ARHGAP23: variants seen among roughly 807,000 people sequenced by gnomAD.
The protein encoded by ARHGAP23 is Rho GTPase activating protein 23.
In ARHGAP23, 34 loss-of-function variants were observed where a neutral mutation model predicts 136.3. The observed-to-expected ratio is 0.25, with a 90% CI of 0.19 to 0.33. ARHGAP23 has a LOEUF of 0.33. Among genes scored for constraint, ARHGAP23 ranks in the 10% least tolerant of loss-of-function variants. The probability of loss-of-function intolerance (pLI) is 1.00; values close to 1 mark genes in which losing one functional copy is unlikely to be tolerated. For missense variants in ARHGAP23, 1,808 were observed against 2,139.0 expected (o/e 0.85, Z 3.05); for synonymous variants, 832 against 920.5 (o/e 0.90, Z 1.74).
intron 2 of ARHGAP23, 24 bp downstream of exon 2, chr17:38,458,287 T>G (rs1334026169): frequency 1.4e-6 from 2 of 1,479,836 alleles, no homozygotes; most frequent in Non-Finnish European, 1.8e-6. Context: ...GCCGCTGCCC[T>G]GGTCTGGGGA....
intron 20 of ARHGAP23, among the ~76,000 whole-genome samples, chr17:38,493,715 C>T (rs77788401): frequency 0.2 from 30,320 of 152,158 alleles, 3,254 homozygotes; most frequent in East Asian, 0.37. Context: ...CTTGGGGTAC[C>T]CAGACCAGTC....
chr17:38,466,393 G>A lies in ARHGAP23; in HGVS notation c.710G>A (p.Arg237His), dbSNP rs577820928. 2.2e-4 allele frequency: 345 copies of A among 1,534,102 alleles called. No individual in the cohort carries two copies. Among genetic ancestry groups the A allele is most frequent in the Admixed American group, 6.9e-4 (35 of 50,426 alleles). ...GGGCTCCGTGTGCCACCTGCTGCCC[G>A]TGCCCACCTGGACAACTCTTCCTTG... ...DPGLRVPPAA[R>H]AHLDNSSLGM... Residue 237 changes from arginine to histidine, a missense_variant, in exon 7 of 24, where the codon CGT becomes CAT. Arg to His is a conservative substitution (Grantham distance 29). Transcript: ENST00000622683.
At chr17:38,499,765 C>T (rs1186459240) in intron 22 of ARHGAP23, among the ~76,000 whole-genome samples, 1 of 152,180 alleles carries the variant, frequency 6.6e-6, no homozygotes, top group South Asian at 2.1e-4. Context: ...AACTTGCCTG[C>T]CAGAGAGTGT....
chr17:38,470,098 C>T (rs1022486230), intron 10 of ARHGAP23, among the ~76,000 whole-genome samples, 194 bp downstream of exon 10: 3 of 152,246 alleles, frequency 2.0e-5, no homozygotes, highest in African/African-American at 7.2e-5. Flanking sequence ...CCCTGAATGA[C>T]ACCATGCAGC....
At chr17:38,438,362 A>G (rs2038850226) in intron 1 of ARHGAP23, among the ~76,000 whole-genome samples, 1 of 151,642 alleles carries the variant, frequency 6.6e-6, no homozygotes, top group Non-Finnish European at 1.5e-5. Flanking sequence ...GGGGCAAGAA[A>G]GGGATGGAGG....
chr17:38,464,610 C>T (rs947136410), intron 6 of ARHGAP23, among the ~76,000 whole-genome samples: 10 of 152,210 alleles, frequency 6.6e-5, no homozygotes, highest in Non-Finnish European at 1.3e-4. Context: ...CTGAGGTGGA[C>T]TGCTTACCCC....
At chr17:38,506,932 C>T (rs2040645872) in intron 23 of ARHGAP23, among the ~76,000 whole-genome samples, 2 of 152,140 alleles carry the variant, frequency 1.3e-5, no homozygotes, top group African/African-American at 2.4e-5. Context: ...ATGTGCTTGA[C>T]ACCTGGCAGG....
At chr17:38,424,075 A>G (rs567878132), upstream of ARHGAP23, among the ~76,000 whole-genome samples, 9 of 151,482 alleles carry the variant, frequency 5.9e-5, no homozygotes, top group Admixed American at 3.3e-4. Flanking sequence ...CAAAAGTCAT[A>G]CAGCTACTGG....
At chr17:38,500,751 G>T (rs1253034402) in intron 23 of ARHGAP23, 123 bp downstream of exon 23, 3 of 923,870 alleles carry the variant, frequency 3.2e-6, no homozygotes, top group African/African-American at 3.3e-5. Flanking sequence ...CCCTGGGAGG[G>T]AAGGCAGGAG....
chr17:38,421,532 G>A (rs2038520606), intron 1 of ARHGAP23, among the ~76,000 whole-genome samples: 1 of 152,228 alleles, frequency 6.6e-6, no homozygotes, highest in South Asian at 2.1e-4. Flanking sequence ...CCCATGTGCT[G>A]AGCCCTCTTG....
At chr17:38,472,915 C>T (rs2039796150) in intron 11 of ARHGAP23, among the ~76,000 whole-genome samples, 1 of 152,176 alleles carries the variant, frequency 6.6e-6, no homozygotes, top group African/African-American at 2.4e-5. Flanking sequence ...GCACTTGAAG[C>T]TGCTGTACTT....
intron 6 of ARHGAP23, 65 bp downstream of exon 6, chr17:38,463,447 G>C: frequency 1.3e-6 from 2 of 1,533,126 alleles, no homozygotes; most frequent in Non-Finnish European, 1.8e-6. Flanking sequence ...GGCTCCCCTG[G>C]GAGGCAGAGA....
intron 3 of ARHGAP23, among the ~76,000 whole-genome samples, chr17:38,461,281 G>T (rs1597787859): frequency 1.3e-5 from 2 of 152,352 alleles, no homozygotes; most frequent in East Asian, 3.9e-4. Context: ...GCAGGGCAGG[G>T]CTGCAGGGCC....
At chr17:38,501,355 G>A (rs577446996) in intron 23 of ARHGAP23, among the ~76,000 whole-genome samples, 4 of 152,116 alleles carry the variant, frequency 2.6e-5, no homozygotes, top group African/African-American at 4.8e-5. Context: ...AGGCTGGAGT[G>A]CAGTGGCACC....
At chr17:38,509,885 G>A in intron 23 of ARHGAP23, 59 bp from the exon 24 acceptor site, 1 of 1,200,598 alleles carries the variant, frequency 8.3e-7, no homozygotes, top group Non-Finnish European at 1.1e-6. Context: ...CGGGTAGAGC[G>A]GGGTCGGCAG....
At chr17:38,427,861 TA>T (rs2038592616), upstream of ARHGAP23, among the ~76,000 whole-genome samples, 3 of 152,166 alleles carry the variant, frequency 2.0e-5, no homozygotes, top group Admixed American at 2.0e-4. Context: ...CCCCCTGCAC[TA>T]AATCTTCCCT....
chr17:38,505,678 C>T (rs1402333252), intron 23 of ARHGAP23, among the ~76,000 whole-genome samples: 1 of 152,210 alleles, frequency 6.6e-6, no homozygotes, highest in Non-Finnish European at 1.5e-5. Flanking sequence ...CCTGTAATCC[C>T]AGCACTTTGG....
intron 1 of ARHGAP23, among the ~76,000 whole-genome samples, 173 bp downstream of exon 1, chr17:38,428,721 G>T (rs746896099): frequency 1.4e-4 from 22 of 152,272 alleles, no homozygotes; most frequent in Non-Finnish European, 2.2e-4. Context: ...CCGGGAGGGG[G>T]CCCGAGCAAG....
Position 38,510,767 on chromosome 17 carries a change from A to T in ARHGAP23, c.4271A>T (p.Glu1424Val). 6.7e-7 allele frequency: 1 copy of T among 1,494,346 alleles called. No individual in the cohort carries two copies. 92.6% of individuals were successfully genotyped at this position (1,494,346 alleles called of 1,614,324 possible). Residue 1424 changes from glutamate (E) to valine (V), a missense_variant, in exon 24 of 24, where the codon GAG becomes GTG. Physicochemically the swap from Glu to Val is moderately radical, Grantham distance 121 (BLOSUM62 -2). This residue lies in a region of ARHGAP23 where 506 missense variants were observed against 455.8 expected (regional missense o/e 1.11). Coordinates refer to ENST00000622683, the MANE Select transcript of ARHGAP23 (RefSeq NM_001199417.2). This position sits in a 1 kb window ranked among gnomAD's most constrained non-coding sequence, Gnocchi z 4.6. Reference protein sequence around the residue: ...LTDLNFNEWKELGGGGPPEPA... With the variant: ...LTDLNFNEWKVLGGGGPPEPA... ...GACCTCAACTTCAACGAGTGGAAGGAGCTGGGCGGAGGGGGCCCCCCGGAG... is the reference window on the plus strand; with the variant it reads ...GACCTCAACTTCAACGAGTGGAAGGTGCTGGGCGGAGGGGGCCCCCCGGAG...
Sources: allele counts gnomAD v4.1 joint callset (sites outside exome capture counted in the v4.1 genomes callset), GRCh38; gene constraint gnomAD v4.1.1; regional missense constraint gnomAD v4.1.1; non-coding constraint Gnocchi (gnomAD v3.1); transcripts MANE v1.5; gene names NCBI Gene and HGNC (gene_info 2026-07-23, HGNC 2026-07-21).